Variants in EPHA5 observed in about 807,000 individuals in gnomAD.
The protein encoded by EPHA5 is EPH receptor A5, also known as ephrin type-A receptor 5.
Under a neutral mutation model 105.0 loss-of-function variants are expected in EPHA5, and 60 were observed. The observed-to-expected ratio is 0.57, with a 90% CI of 0.46 to 0.71. EPHA5 has a LOEUF of 0.71. Among genes scored for constraint, EPHA5 ranks in the 30% least tolerant of loss-of-function variants. The pLI, the probability that EPHA5 is intolerant of heterozygous loss-of-function variation, is 0.00. For missense variants in EPHA5, 1,218 were observed against 1,274.7 expected (o/e 0.96, Z 0.68); for synonymous variants, 513 against 449.1 (o/e 1.14, Z -1.80).
At chr4:65,365,246 G>A in intron 10 of EPHA5, 44 bp from the exon 11 acceptor site, 2 of 1,561,612 alleles carry the variant, frequency 1.3e-6, no homozygotes, top group Non-Finnish European at 8.8e-7. Context: ...ATTTGAAATT[G>A]TTAGTCTATT....
rs181088642 is a variant in EPHA5, at chr4:65,640,019, A to G, written c.246+3344T>C. Reference sequence around the variant, plus strand: ...CACATATTTTCCCTTACTTCTTTCAACATATTTTAACAGCTGGGCATCTTC... The same window carrying G: ...CACATATTTTCCCTTACTTCTTTCAGCATATTTTAACAGCTGGGCATCTTC... On this transcript the variant is annotated intron_variant, in intron 2 of 16. Coordinates refer to ENST00000613740, the MANE Select transcript of EPHA5 (RefSeq NM_001281766.3). 1.1e-3 allele frequency among the ~76,000 whole-genome samples: 174 copies of G among 152,164 alleles called. 1 individual carries two copies. Among genetic ancestry groups the G allele is most frequent in the African/African-American group, 3.9e-3 (160 of 41,532 alleles).
At chr4:65,504,358 A>G (rs1479688885) in intron 3 of EPHA5, among the ~76,000 whole-genome samples, 1 of 123,656 alleles carries the variant, frequency 8.1e-6, no homozygotes, top group Non-Finnish European at 1.8e-5. Flanking sequence ...TTTAAAATAT[A>G]TTGAAAAATA....
At chr4:65,586,843 C>T (rs1742171557) in intron 3 of EPHA5, among the ~76,000 whole-genome samples, 1 of 152,010 alleles carries the variant, frequency 6.6e-6, no homozygotes, top group South Asian at 2.1e-4. Flanking sequence ...ACCTGGCATG[C>T]AGCTGGGTGA....
At chr4:65,543,052 C>G (rs191627350) in intron 3 of EPHA5, among the ~76,000 whole-genome samples, 4 of 151,542 alleles carry the variant, frequency 2.6e-5, no homozygotes, top group Non-Finnish European at 4.4e-5. Flanking sequence ...TAATAAACTA[C>G]GTATTGATGG....
In EPHA5 at chr4:65,320,603, T is replaced by C. The variant is rs1262498136; in HGVS notation, c.*3511A>G. 4.4e-6 allele frequency: 1 copy of C among 229,766 alleles called. No individual in the cohort carries two copies. Among genetic ancestry groups the C allele is most frequent in the Non-Finnish European group, 8.6e-6 (1 of 115,858 alleles). 14.2% of individuals were successfully genotyped at this position (229,766 alleles called of 1,614,324 possible). A position where few individuals can be genotyped will look rare whatever the true frequency, so the allele number is the denominator to read the frequency against. On this transcript the variant is annotated 3_prime_UTR_variant, in exon 17 of 17. Coordinates refer to ENST00000613740, the MANE Select transcript of EPHA5 (RefSeq NM_001281766.3). ...TCTTCAGAAGGTAAATATCTGTGCTTGTGCTTCTGAGAACCCACTTTACAT... is the reference window on the plus strand; with the variant it reads ...TCTTCAGAAGGTAAATATCTGTGCTCGTGCTTCTGAGAACCCACTTTACAT...
rs548184757 is a variant in EPHA5, at chr4:65,507,586, C to T, written c.911-12043G>A. ...TCTCCTTGAAGAGGTCCTTCACATC[C>T]CTTGTAAGTTGGATTCCTAGGTATT... On this transcript the variant is annotated intron_variant, in intron 3 of 16. Transcript: ENST00000613740. Among the ~76,000 whole-genome samples, 123 of 152,152 alleles carry T rather than the reference C, an allele frequency of 8.1e-4. 1 individual carries two copies. The highest frequency in any genetic ancestry group is 2.6e-3 in the African/African-American group (110 of 41,524).
chr4:65,656,309 A>T (rs1327766566), intron 1 of EPHA5, among the ~76,000 whole-genome samples: 1 of 151,612 alleles, frequency 6.6e-6, no homozygotes, highest in African/African-American at 2.4e-5. Flanking sequence ...AGTTGGAAAA[A>T]AAAAATGTCA....
Position 65,420,556 on chromosome 4 carries a change from G to A in EPHA5, c.1412C>T (p.Pro471Leu), listed in dbSNP as rs143584300. The A allele has an allele frequency of 2.6e-4, 421 of 1,612,484 alleles. No individual in the cohort carries two copies. Among genetic ancestry groups the A allele is most frequent in the Non-Finnish European group, 3.3e-4 (395 of 1,179,236 alleles). The change falls in exon 6 of 17, where the codon CCA becomes CTA. Residue 471 changes from proline to leucine, a missense_variant. This residue lies in a region of EPHA5 where 971 missense variants were observed against 1,013.5 expected (regional missense o/e 0.96). Transcript: ENST00000613740. ...NVTTNQAAPSPVTNVKKGKIA... is the reference protein window; with the variant it reads ...NVTTNQAAPSLVTNVKKGKIA... The stretch of plus-strand genomic sequence containing the variant: ...TTTCCCTTTTTTCACATTGGTGACT[G>A]GAGATGGAGCTGCAAAATAGTTTAA...
chr4:65,404,292 A>T (rs1443090276), intron 8 of EPHA5, 82 bp downstream of exon 8: 3 of 1,098,218 alleles, frequency 2.7e-6, no homozygotes, highest in Middle Eastern at 2.2e-4. Flanking sequence ...TTGTTTTGGG[A>T]TGTGCTCAAC....
At chr4:65,592,611 G>A (rs1742778532) in intron 3 of EPHA5, among the ~76,000 whole-genome samples, 2 of 152,136 alleles carry the variant, frequency 1.3e-5, no homozygotes, top group Admixed American at 1.3e-4. Context: ...GAAGAAGAAA[G>A]CACAACCTTC....
At chr4:65,518,656 T>A (rs764926052) in intron 3 of EPHA5, among the ~76,000 whole-genome samples, 4 of 151,998 alleles carry the variant, frequency 2.6e-5, no homozygotes, top group African/African-American at 9.7e-5. Flanking sequence ...AGATGTACCC[T>A]AGGACAGGAA....
At chr4:65,449,338 A>T (rs765990640) in intron 5 of EPHA5, among the ~76,000 whole-genome samples, 7 of 152,288 alleles carry the variant, frequency 4.6e-5, no homozygotes, top group East Asian at 1.9e-4. Flanking sequence ...ATGAGGGTTT[A>T]AAAAAAGAGC....
intron 5 of EPHA5, among the ~76,000 whole-genome samples, chr4:65,486,988 C>T (rs1447739862): frequency 6.6e-6 from 1 of 152,158 alleles, no homozygotes; most frequent in Non-Finnish European, 1.5e-5. Context: ...AAGTGTGCAG[C>T]ACCTTCCCTG....
rs1719834744 is a variant in EPHA5 at position 65,323,919 on chromosome 4, G to GA, written c.*194dup. 2 of 441,264 alleles carry GA rather than the reference G, an allele frequency of 4.5e-6. No individual in the cohort carries two copies. Among genetic ancestry groups the GA allele is most frequent in the Non-Finnish European group, 8.2e-6 (2 of 245,242 alleles). The allele number at this position is 441,264 out of a possible 1,614,324, so 27.3% of individuals were successfully genotyped here. On this transcript the variant is annotated 3_prime_UTR_variant, in exon 17 of 17. Transcript: ENST00000613740. ...TTAATGCAAGATATGTTTGCTTCAT[G>GA]AAAAATGAAGACTAAGGACTAAGAA...
chr4:65,612,865 T>C (rs1744902243), intron 2 of EPHA5, among the ~76,000 whole-genome samples: 1 of 152,152 alleles, frequency 6.6e-6, no homozygotes, highest in African/African-American at 2.4e-5. Flanking sequence ...TTTGCTGTGC[T>C]GAAGCTTTTT....
chr4:65,631,722 A>ATAT (rs1560797170), intron 2 of EPHA5, among the ~76,000 whole-genome samples: 21 of 87,756 alleles, frequency 2.4e-4, no homozygotes, highest in South Asian at 4.0e-4. Flanking sequence ...CATGTACCCT[A>ATAT]AAACTTAAAG....
At chr4:65,469,383 ATAG>A (rs1012871074) in intron 5 of EPHA5, among the ~76,000 whole-genome samples, 6 of 152,184 alleles carry the variant, frequency 3.9e-5, no homozygotes, top group African/African-American at 1.4e-4. Context: ...AGGGTGCGAA[ATAG>A]GTATTCAAGT....
chr4:65,335,006 T>C (rs909946725), intron 15 of EPHA5, among the ~76,000 whole-genome samples: 4 of 152,010 alleles, frequency 2.6e-5, no homozygotes, highest in Non-Finnish European at 5.9e-5. Flanking sequence ...TGAACAGAGT[T>C]TGAAGATTCA....
chr4:65,597,642 A>T (rs1178359468), intron 3 of EPHA5, among the ~76,000 whole-genome samples: 1 of 152,174 alleles, frequency 6.6e-6, no homozygotes, highest in African/African-American at 2.4e-5. Context: ...TATTATAGAA[A>T]ATTTAGGCAT....
Sources: allele counts gnomAD v4.1 joint callset (sites outside exome capture counted in the v4.1 genomes callset), GRCh38; gene constraint gnomAD v4.1.1; regional missense constraint gnomAD v4.1.1; transcripts MANE v1.5; gene names NCBI Gene and HGNC (gene_info 2026-07-23, HGNC 2026-07-21).